CFAP161: variants seen among roughly 807,000 people sequenced by gnomAD.
The protein encoded by CFAP161 is cilia and flagella associated protein 161.
A neutral mutation model predicts 29.0 loss-of-function variants in CFAP161; 25 were observed. The observed-to-expected ratio is 0.86, with a 90% confidence interval of 0.63 to 1.20. The LOEUF (loss-of-function observed/expected upper bound fraction) is 1.20, where lower values mean the gene tolerates loss of function less well. CFAP161 is among the 50% of genes most tolerant of loss of function. The pLI is 0.00. For missense variants in CFAP161, 367 were observed against 371.9 expected, an observed-to-expected ratio of 0.99 and a Z score of 0.11; for synonymous variants, 116 against 137.4, an observed-to-expected ratio of 0.84 and a Z score of 1.09.
chr15:81,144,578 A>C (rs1013197606), intron 5 of CFAP161, among the ~76,000 whole-genome samples: 1 of 152,156 alleles, frequency 6.6e-6, no homozygotes, highest in African/African-American at 2.4e-5. Context: ...CCTGGGTGAC[A>C]GAGTGAGACT....
rs1414661428 is a variant in CFAP161 at position 81,148,699 on chromosome 15, G to A, written c.*166G>A. ...ACATTAAGATTATTGAATTTGTGGT[G>A]GGAGTCTAGGGCTGAAGAAAAACAG... is the stretch of plus-strand genomic sequence containing the variant. On this transcript the variant is annotated 3_prime_UTR_variant, in exon 7 of 7. Transcript: ENST00000286732. 4 of 594,128 alleles carry A rather than the reference G, an allele frequency of 6.7e-6. No individual in the cohort carries two copies. Among genetic ancestry groups the A allele is most frequent in the East Asian group, 3.0e-5 (1 of 33,874 alleles). 36.8% of individuals were successfully genotyped at this position (594,128 alleles called of 1,614,324 possible).
chr15:81,138,179 G>T (rs760073093), intron 4 of CFAP161, 44 bp downstream of exon 4: 17 of 1,491,526 alleles, frequency 1.1e-5, no homozygotes, highest in Non-Finnish European at 1.4e-5. Flanking sequence ...AGTCATTTCT[G>T]TTGCCCAAAA....
chr15:81,132,926 G>A (rs1180766580), upstream of CFAP161, among the ~76,000 whole-genome samples: 1 of 151,994 alleles, frequency 6.6e-6, no homozygotes, highest in Non-Finnish European at 1.5e-5. Context: ...TATACTATCT[G>A]ATCTAACTGC....
chr15:81,134,541 A>G, intron 1 of CFAP161, 143 bp downstream of exon 1: 1 of 852,428 alleles, frequency 1.2e-6, no homozygotes, highest in South Asian at 1.7e-5. Flanking sequence ...CCACTTCTCT[A>G]AACTCCCAAG....
intron 1 of CFAP161, among the ~76,000 whole-genome samples, chr15:81,107,338 G>C (rs2141861348): frequency 6.6e-6 from 1 of 152,334 alleles, no homozygotes; most frequent in East Asian, 1.9e-4. Context: ...AGGCAACTAA[G>C]TCATAGACTG....
chr15:81,113,725 G>GTGT (rs1894464054), intron 1 of CFAP161, among the ~76,000 whole-genome samples: 1 of 152,224 alleles, frequency 6.6e-6, no homozygotes, highest in African/African-American at 2.4e-5. Context: ...GCACCTCGAT[G>GTGT]TGTTCACCAG....
At chr15:81,142,929 A>T (rs931908040) in intron 4 of CFAP161, among the ~76,000 whole-genome samples, 21 of 152,204 alleles carry the variant, frequency 1.4e-4, no homozygotes, top group Non-Finnish European at 2.8e-4. Context: ...TTGAAGGCTC[A>T]CAAATGAATA....
intron 2 of CFAP161, among the ~76,000 whole-genome samples, chr15:81,128,784 A>C (rs1175316683): frequency 6.6e-6 from 1 of 152,132 alleles, no homozygotes; most frequent in Non-Finnish European, 1.5e-5. Context: ...CAGAGAAATC[A>C]CTATCTTTGG....
At chr15:81,102,539 G>T (rs1395857925) in intron 1 of CFAP161, among the ~76,000 whole-genome samples, 1 of 152,144 alleles carries the variant, frequency 6.6e-6, no homozygotes, top group Admixed American at 6.5e-5. Context: ...TGACGTGGTG[G>T]TGCACATCAT....
intron 1 of CFAP161, among the ~76,000 whole-genome samples, chr15:81,134,773 G>A (rs1894779259): frequency 6.6e-6 from 1 of 152,124 alleles, no homozygotes; most frequent in Non-Finnish European, 1.5e-5. Flanking sequence ...CAGGTTCTAG[G>A]TAGAAATAAT....
In CFAP161 at chr15:81,136,566, G is replaced by A; in HGVS notation, c.210G>A (p.Val70=). ...GCTATATTCATTACGGTGACAAAGT[G>A]ATGCTTGTGAATCCTGATGATCCTG... ...EDGYIHYGDK[V]MLVNPDDPDT... is the part of the protein sequence containing the mutation. Residue 70 remains valine, a synonymous_variant, in exon 3 of 7, where the codon GTG becomes GTA. Coordinates refer to ENST00000286732, the MANE Select transcript of CFAP161 (RefSeq NM_173528.4). The A allele has an allele frequency of 6.2e-7, 1 of 1,614,216 alleles. No homozygotes were observed. Among genetic ancestry groups the A allele is most frequent in the East Asian group, 2.2e-5 (1 of 44,892 alleles).
Position 81,143,808 on chromosome 15 carries a change from C to T in CFAP161, c.624C>T (p.Gly208=). The T allele has an allele frequency of 6.2e-7, 1 of 1,614,026 alleles. No homozygotes were observed. Among genetic ancestry groups the T allele is most frequent in the South Asian group, 1.1e-5 (1 of 91,064 alleles). Reference sequence around the variant, plus strand: ...CCCAGTTACGCCTGGAATATGAAGGCTTCCCCGTCCCGGTGAGTGCAGCAT... The same window carrying T: ...CCCAGTTACGCCTGGAATATGAAGGTTTCCCCGTCCCGGTGAGTGCAGCAT... ...PDPQLRLEYE[G]FPVPANAKIL... The change falls in exon 5 of 7, where the codon GGC becomes GGT. Residue 208 remains glycine, a synonymous_variant. Coordinates refer to ENST00000286732, the MANE Select transcript of CFAP161 (RefSeq NM_173528.4).
upstream of CFAP161, chr15:81,134,259 G>T (rs1013505133): frequency 4.6e-6 from 7 of 1,531,358 alleles, no homozygotes; most frequent in Middle Eastern, 1.8e-4. Flanking sequence ...CTGGGGCCGG[G>T]TCGTCATGGC....
Position 81,134,417 on chromosome 15 carries a change from G to C in CFAP161, c.69+19G>C. The C allele has an allele frequency of 6.4e-7, 1 of 1,572,034 alleles. No individual in the cohort carries two copies. On this transcript the variant is annotated intron_variant, in intron 1 of 6. Coordinates refer to ENST00000286732, the MANE Select transcript of CFAP161 (RefSeq NM_173528.4). ...GGAGGAGGTACGCAGGGTGTGGCCA[G>C]GCGCAGACCCGCAGCTCAGGAACTC...
chr15:81,130,930 A>G (rs1894702801), upstream of CFAP161, among the ~76,000 whole-genome samples: 1 of 152,158 alleles, frequency 6.6e-6, no homozygotes, highest in Non-Finnish European at 1.5e-5. Flanking sequence ...TTATATGCCC[A>G]TGGTTCATGG....
At chr15:81,115,053 G>A (rs1037528389) in intron 1 of CFAP161, among the ~76,000 whole-genome samples, 1 of 152,198 alleles carries the variant, frequency 6.6e-6, no homozygotes, top group African/African-American at 2.4e-5. Context: ...GGTGGGACAG[G>A]CAGTTGTTGG....
intron 1 of CFAP161, among the ~76,000 whole-genome samples, chr15:81,118,625 G>A (rs1894530941): frequency 6.6e-6 from 1 of 152,228 alleles, no homozygotes. Flanking sequence ...AGACCAAAGG[G>A]GCGATTCCTC....
At chr15:81,133,513 A>G (rs1894752463), upstream of CFAP161, among the ~76,000 whole-genome samples, 1 of 152,130 alleles carries the variant, frequency 6.6e-6, no homozygotes, top group Non-Finnish European at 1.5e-5. Context: ...GAGGTAAATT[A>G]CTGAATGCAT....
At chr15:81,108,383 A>G (rs548593074) in intron 1 of CFAP161, among the ~76,000 whole-genome samples, 3 of 152,172 alleles carry the variant, frequency 2.0e-5, no homozygotes, top group East Asian at 3.9e-4. Context: ...GAATGGGTCA[A>G]TGAGAATCAG....
Sources: allele counts gnomAD v4.1 joint callset (sites outside exome capture counted in the v4.1 genomes callset), GRCh38; gene constraint gnomAD v4.1.1; transcripts MANE v1.5; gene names NCBI Gene and HGNC (gene_info 2026-07-23, HGNC 2026-07-21).